The following ARSD variants were observed in gnomAD, a reference collection of about 807,000 sequenced individuals.
ARSD encodes the protein testis tissue sperm-binding protein Li 39a.
Under a neutral mutation model 32.6 loss-of-function variants are expected in ARSD, and 21 were observed. The observed-to-expected ratio is 0.64, with a 90% CI of 0.46 to 0.93. The LOEUF is 0.93. Among genes scored for constraint, ARSD ranks in the 40% least tolerant of loss-of-function variants. The probability of loss-of-function intolerance (pLI) is 0.00; values close to 1 mark genes in which losing one functional copy is unlikely to be tolerated. For synonymous variants in ARSD, 224 were observed against 237.4 expected (o/e 0.94, Z 0.52); for missense variants, 454 against 520.9 (o/e 0.87, Z 1.25).
chrX:2,925,378 G>A (rs781580378), intron 2 of ARSD, among the ~76,000 whole-genome samples: 1 of 112,497 alleles, frequency 8.9e-6, no homozygotes, highest in African/African-American at 3.2e-5. Context: ...TAAGATTTCT[G>A]GTCTCCAGAC....
At chrX:2,913,864 C>A (rs998425029) in intron 6 of ARSD, 4 of 462,615 alleles carry the variant, frequency 8.6e-6, no homozygotes, top group Non-Finnish European at 1.1e-5. Context: ...TGAGCACCAT[C>A]CCCCGCTTGG....
chrX:2,914,418 T>TGGG (rs58883920), intron 6 of ARSD: 4 of 285,917 alleles, frequency 1.4e-5, no homozygotes, highest in Non-Finnish European at 1.4e-5. Flanking sequence ...TTTGTAGAGA[T>TGGG]GGGGGGGGGG....
chrX:2,920,527 C>T (rs763121936), intron 4 of ARSD, 74 bp downstream of exon 4: 29 of 1,198,569 alleles, frequency 2.4e-5, no homozygotes, highest in Non-Finnish European at 3.2e-5. Context: ...TGCGCCACCA[C>T]GCCTGGCCTG....
At chrX:2,915,064 G>A (rs1225208155) in intron 6 of ARSD, among the ~76,000 whole-genome samples, 1 of 111,347 alleles carries the variant, frequency 9.0e-6, no homozygotes, top group African/African-American at 3.3e-5. Context: ...GTAGAGATGG[G>A]GTCTCACTAT....
rs928862053 is a variant in ARSD, at chrX:2,905,013, T to G, written c.*2258A>C. On this transcript the variant is annotated 3_prime_UTR_variant, in exon 10 of 10. Transcript: ENST00000381154. Reference sequence around the variant, plus strand: ...CTGAGCTCTATAAATGTTGCCTCTCTCCACTCATCTTCTCTTTGGCTTCAG... The same window carrying G: ...CTGAGCTCTATAAATGTTGCCTCTCGCCACTCATCTTCTCTTTGGCTTCAG... The G allele has an allele frequency of 8.9e-6, 3 of 337,598 alleles. No homozygotes were observed. The highest frequency in any genetic ancestry group is 8.2e-5 in the African/African-American group (3 of 36,719). 27.8% of individuals were successfully genotyped at this position (337,598 alleles called of 1,213,427 possible). A position where few individuals can be genotyped will look rare whatever the true frequency, so the allele number is the denominator to read the frequency against.
intron 6 of ARSD, among the ~76,000 whole-genome samples, chrX:2,912,658 C>G (rs2088912216): frequency 1.8e-5 from 2 of 111,289 alleles, no homozygotes; most frequent in African/African-American, 3.3e-5. Context: ...AGTGAGCACG[C>G]TTTTTTAAAC....
rs374784317 is a variant in ARSD, at chrX:2,915,540, T to C, written c.1000+16A>G. On this transcript the variant is annotated intron_variant, in intron 6 of 9. Coordinates refer to ENST00000381154, the MANE Select transcript of ARSD (RefSeq NM_001669.4). ...AGGCCGAGGGTGGAGTGAGGCTCCA[T>C]GGTACCTTGACTTACCTATGAGCCA... 41 of 1,208,559 alleles carry C rather than the reference T, an allele frequency of 3.4e-5. No individual in the cohort carries two copies. Among genetic ancestry groups the C allele is most frequent in the Middle Eastern group, 4.6e-4 (2 of 4,361 alleles).
chrX:2,918,704 C>T (rs1257076845), intron 4 of ARSD, among the ~76,000 whole-genome samples: 1 of 111,161 alleles, frequency 9.0e-6, no homozygotes, highest in East Asian at 2.8e-4. Context: ...CATGCCACTG[C>T]ACTCCAGCCT....
At chrX:2,909,096 A>ACACACACACG (rs1415161681) in intron 8 of ARSD, among the ~76,000 whole-genome samples, 2 of 111,499 alleles carry the variant, frequency 1.8e-5, no homozygotes, top group East Asian at 5.6e-4. Flanking sequence ...ACACACACAC[A>ACACACACACG]CACACACCCC....
At position 2,908,534 on chromosome X, in the gene ARSD, T is replaced by TCCC. The variant is rs369116749; in HGVS notation, c.1420+184_1420+186dup. On this transcript the variant is annotated intron_variant, in intron 9 of 9. Coordinates refer to ENST00000381154, the MANE Select transcript of ARSD (RefSeq NM_001669.4). ...TCTATCATCTCTCTCTCTCTCTCTC[T>TCCC]CCCCCCCCCATCATCTATCTATAAT... is the stretch of plus-strand genomic sequence containing the variant. 2.5e-3 allele frequency among the ~76,000 whole-genome samples: 209 copies of TCCC among 84,090 alleles called. 5 individuals carry two copies. Among genetic ancestry groups the TCCC allele is most frequent in the Admixed American group, 0.018 (124 of 6,903 alleles). 73.0% of individuals were successfully genotyped at this position (84,090 alleles called of 115,157 possible). A position where few individuals can be genotyped will look rare whatever the true frequency, so the allele number is the denominator to read the frequency against.
At chrX:2,921,051 T>G (rs1334616073) in intron 3 of ARSD, among the ~76,000 whole-genome samples, 4 of 111,198 alleles carry the variant, frequency 3.6e-5, no homozygotes, top group African/African-American at 9.8e-5. Context: ...TGGAGCCGAG[T>G]GATGCTGCTC....
intron 9 of ARSD, among the ~76,000 whole-genome samples, chrX:2,908,422 A>C (rs1242473360): frequency 9.3e-6 from 1 of 108,080 alleles, no homozygotes; most frequent in Non-Finnish European, 1.9e-5. Flanking sequence ...CTATCCATCC[A>C]TCATCTATCT....
At chrX:2,913,665 C>CT (rs1160761234) in intron 6 of ARSD, 19 of 985,147 alleles carry the variant, frequency 1.9e-5, no homozygotes, top group Middle Eastern at 2.9e-4. Context: ...CTGCATTGTC[C>CT]GAACTTTATT....
rs1186551123 is a variant in ARSD, at chrX:2,910,676, C to T, written c.1118G>A (p.Trp373Ter). The stretch of plus-strand genomic sequence containing the variant: ...CAACTCACCTTTGTAAATTCCGTTC[C>T]ATCCCCCTAACTGGCTGTGTCCATC... ...ARDGHSQLGG[W>*]NGIYKGGKGM... Residue 373 changes from tryptophan to a stop codon, truncating the protein, a stop_gained, in exon 7 of 10, where the codon TGG becomes TAG. Coordinates refer to ENST00000381154, the MANE Select transcript of ARSD (RefSeq NM_001669.4). LOFTEE classifies it high-confidence loss of function. 3 of 1,211,951 alleles carry T rather than the reference C, an allele frequency of 2.5e-6. No homozygotes were observed. Among genetic ancestry groups the T allele is most frequent in the Admixed American group, 2.2e-5 (1 of 46,030 alleles).
Position 2,924,366 on chromosome X carries a change from G to A in ARSD, c.194+1250C>T, listed in dbSNP as rs376189838. Among the ~76,000 whole-genome samples the A allele has an allele frequency of 9.7e-5, 11 of 113,777 alleles. No individual in the cohort carries two copies. The East Asian group carries it at 2.2e-3, about 23-fold the overall frequency. On this transcript the variant is annotated intron_variant, in intron 2 of 9. Transcript: ENST00000381154. Reference sequence around the variant, plus strand: ...GGCAGACTGCTGCAGGTGCTGCAATGTTCACTGCAAAGAAGGGAGGCCCTG... The same window carrying A: ...GGCAGACTGCTGCAGGTGCTGCAATATTCACTGCAAAGAAGGGAGGCCCTG...
chrX:2,904,924 C>G lies in ARSD; in HGVS notation c.*2347G>C. 1 of 190,422 alleles carries G rather than the reference C, an allele frequency of 5.3e-6. No individual in the cohort carries two copies. Among genetic ancestry groups the G allele is most frequent in the Non-Finnish European group, 1.0e-5 (1 of 100,124 alleles). 15.7% of individuals were successfully genotyped at this position (190,422 alleles called of 1,213,427 possible). A position where few individuals can be genotyped will look rare whatever the true frequency, so the allele number is the denominator to read the frequency against. On this transcript the variant is annotated 3_prime_UTR_variant, in exon 10 of 10. Coordinates refer to ENST00000381154, the MANE Select transcript of ARSD (RefSeq NM_001669.4). ...GTTTCTTTTTTTTTTTTTTTTTAATCATTTTTTGGTTATGCCAGGTGTCTC... is the reference window on the plus strand; with the variant it reads ...GTTTCTTTTTTTTTTTTTTTTTAATGATTTTTTGGTTATGCCAGGTGTCTC...
intron 1 of ARSD, among the ~76,000 whole-genome samples, chrX:2,926,697 CAAG>C (rs1285235617): frequency 1.8e-5 from 2 of 112,463 alleles, no homozygotes; most frequent in Non-Finnish European, 1.9e-5. Flanking sequence ...TTTGAGTAAG[CAAG>C]AAGAAGATGT....
At chrX:2,923,861 T>C (rs1193220265) in intron 2 of ARSD, among the ~76,000 whole-genome samples, 1 of 111,968 alleles carries the variant, frequency 8.9e-6, no homozygotes, top group Non-Finnish European at 1.9e-5. Flanking sequence ...CAGAGTTTCT[T>C]TGGGGGTATG....
At chrX:2,911,538 C>T (rs1292497603) in intron 6 of ARSD, among the ~76,000 whole-genome samples, 2 of 103,115 alleles carry the variant, frequency 1.9e-5, no homozygotes, top group African/African-American at 3.6e-5. Flanking sequence ...GGCATGGTGG[C>T]GGGAGACTGT....
Sources: gnomAD v4.1 joint callset for allele counts (sites outside exome capture counted in the v4.1 genomes callset) on GRCh38, gnomAD v4.1.1 for gene constraint, MANE v1.5 for transcripts, NCBI Gene and HGNC (gene_info 2026-07-23, HGNC 2026-07-21) for gene names.